The following SAMD5 variants were observed in gnomAD, a reference collection of about 807,000 sequenced individuals.
SAMD5 encodes the protein sterile alpha motif domain containing 5.
Under a neutral mutation model 11.3 loss-of-function variants are expected in SAMD5, and 13 were observed. The observed-to-expected ratio is 1.15, with a 90% CI of 0.75 to 1.83. The LOEUF (loss-of-function observed/expected upper bound fraction) is 1.83, where lower values mean the gene tolerates loss of function less well. SAMD5 is among the 40% of genes most tolerant of loss of function. SAMD5 has a pLI of 0.00. For missense variants in SAMD5, 255 were observed against 239.1 expected (o/e 1.07, Z -0.44); for synonymous variants, 129 against 111.3 (o/e 1.16, Z -1.00).
chr6:147,919,598 C>A, the SAMD5 span, among the ~76,000 whole-genome samples: 1 of 152,148 alleles, frequency 6.6e-6, no homozygotes, highest in Non-Finnish European at 1.5e-5. Flanking sequence ...GCTTTAAGCT[C>A]TTTGGGGAGG....
chr6:147,539,605 A>G (rs1788567049), intron 1 of SAMD5, among the ~76,000 whole-genome samples: 1 of 152,002 alleles, frequency 6.6e-6, no homozygotes, highest in Admixed American at 6.5e-5. Context: ...TTTTTTCCCA[A>G]AATGGGGCCT....
At chr6:147,798,257 G>A in the SAMD5 span, among the ~76,000 whole-genome samples, 1 of 149,132 alleles carries the variant, frequency 6.7e-6, no homozygotes, top group Admixed American at 6.7e-5. Flanking sequence ...CAGAGATTCT[G>A]GTATGTTGTG....
chr6:147,660,642 G>C (rs554815703), intron 1 of SAMD5: 1 of 152,044 alleles, frequency 6.6e-6, no homozygotes, highest in East Asian at 2.0e-4. Flanking sequence ...TCTCGCGATA[G>C]TGAGAGAGTT....
the SAMD5 span, among the ~76,000 whole-genome samples, chr6:147,753,049 A>G: frequency 2.6e-5 from 4 of 152,232 alleles, no homozygotes; most frequent in African/African-American, 4.8e-5. Context: ...TGCTTGTTTC[A>G]TATGATTTTA....
intron 1 of SAMD5, among the ~76,000 whole-genome samples, chr6:147,680,603 C>T (rs182119699): frequency 1.3e-5 from 2 of 152,030 alleles, no homozygotes; most frequent in African/African-American, 2.4e-5. Flanking sequence ...TTAGGTGGAA[C>T]GCATTCACTC....
chr6:147,751,118 C>T, the SAMD5 span, among the ~76,000 whole-genome samples: 4 of 152,178 alleles, frequency 2.6e-5, no homozygotes, highest in Admixed American at 2.6e-4. Context: ...TGTCCCATCT[C>T]AGGGCCTTTG....
intron 1 of SAMD5, among the ~76,000 whole-genome samples, chr6:147,706,186 A>G (rs1291133165): frequency 2.0e-5 from 3 of 151,998 alleles, no homozygotes; most frequent in Non-Finnish European, 4.4e-5. Context: ...TGTGTCTTGG[A>G]CCAATAATGC....
chr6:147,917,652 T>C, the SAMD5 span, among the ~76,000 whole-genome samples: 1 of 152,178 alleles, frequency 6.6e-6, no homozygotes, highest in Non-Finnish European at 1.5e-5. Flanking sequence ...TCCTGAATGG[T>C]ATTGCCTAGG....
chr6:147,774,875 C>T, the SAMD5 span, among the ~76,000 whole-genome samples: 1 of 152,126 alleles, frequency 6.6e-6, no homozygotes, highest in Non-Finnish European at 1.5e-5. Flanking sequence ...TTCACACCCA[C>T]CTCCTCTTCA....
the SAMD5 span, among the ~76,000 whole-genome samples, chr6:147,879,952 C>A: frequency 6.6e-6 from 1 of 152,146 alleles, no homozygotes; most frequent in African/African-American, 2.4e-5. Context: ...TCAAGACAAC[C>A]CTTACCCCTT....
At chr6:147,917,331 G>T in the SAMD5 span, among the ~76,000 whole-genome samples, 1 of 146,768 alleles carries the variant, frequency 6.8e-6, no homozygotes, top group Admixed American at 6.8e-5. Context: ...TTTTTCATGT[G>T]TTTTTTGGCT....
chr6:147,877,135 T>C, the SAMD5 span, among the ~76,000 whole-genome samples: 8 of 152,148 alleles, frequency 5.3e-5, no homozygotes, highest in African/African-American at 1.4e-4. Flanking sequence ...TAAGGTTGTT[T>C]TGAGAATAAA....
the SAMD5 span, among the ~76,000 whole-genome samples, chr6:147,787,283 C>T: frequency 6.6e-6 from 1 of 152,120 alleles, no homozygotes; most frequent in African/African-American, 2.4e-5. Context: ...CATGATGGAG[C>T]AGGACAGTGC....
intron 1 of SAMD5, among the ~76,000 whole-genome samples, chr6:147,658,232 G>C (rs141352925): frequency 3.9e-5 from 6 of 152,032 alleles, no homozygotes; most frequent in Non-Finnish European, 8.8e-5. Context: ...ATTTTATTCA[G>C]AAGATGTTAA....
At chr6:147,830,512 T>TC in the SAMD5 span, among the ~76,000 whole-genome samples, 50 of 152,136 alleles carry the variant, frequency 3.3e-4, no homozygotes, top group South Asian at 0.01. Context: ...CGCCTCAGCC[T>TC]CCCAAAGTGC....
the SAMD5 span, among the ~76,000 whole-genome samples, chr6:147,830,192 C>T: frequency 6.7e-6 from 1 of 149,234 alleles, no homozygotes; most frequent in Non-Finnish European, 1.5e-5. Context: ...ATGCTTTAGA[C>T]TTAGACTATT....
chr6:147,573,985 G>T (rs540233832), downstream of SAMD5, among the ~76,000 whole-genome samples: 1 of 151,926 alleles, frequency 6.6e-6, no homozygotes, highest in African/African-American at 2.4e-5. Context: ...AAAATTAGCC[G>T]GGCGTGGTGG....
At chr6:147,889,132 A>T in the SAMD5 span, among the ~76,000 whole-genome samples, 3 of 152,158 alleles carry the variant, frequency 2.0e-5, no homozygotes, top group East Asian at 5.8e-4. Flanking sequence ...TGGTCATTCG[A>T]AGTTGTCCTT....
At chr6:147,920,764 G>A in the SAMD5 span, among the ~76,000 whole-genome samples, 1 of 152,160 alleles carries the variant, frequency 6.6e-6, no homozygotes, top group Non-Finnish European at 1.5e-5. Flanking sequence ...TGGCATTACT[G>A]TTCAGGCAAT....
Sources: allele counts gnomAD v4.1 joint callset (sites outside exome capture counted in the v4.1 genomes callset), GRCh38; gene constraint gnomAD v4.1.1; transcripts MANE v1.5; gene names NCBI Gene and HGNC (gene_info 2026-07-23, HGNC 2026-07-21).